The following TCF4 variants were observed in gnomAD, a reference collection of about 807,000 sequenced individuals.
TCF4 encodes transcription factor 4.
Under a neutral mutation model 82.1 loss-of-function variants are expected in TCF4, and 3 were observed. The observed-to-expected ratio is 0.04, with a 90% confidence interval of 0.02 to 0.09. The LOEUF (loss-of-function observed/expected upper bound fraction) is 0.09. Among genes scored for constraint, TCF4 ranks in the 10% least tolerant of loss-of-function variants. The pLI, the probability that TCF4 is intolerant of heterozygous loss-of-function variation, is 1.00. For synonymous variants in TCF4, 276 were observed against 309.6 expected (o/e 0.89, Z 1.14); for missense variants, 518 against 852.7 (o/e 0.61, Z 4.89).
chr18:55,595,417 TGAG>T (rs770943861), intron 2 of TCF4, among the ~76,000 whole-genome samples: 8 of 152,154 alleles, frequency 5.3e-5, no homozygotes, highest in Non-Finnish European at 1.2e-4. Context: ...CCTTTAAAGG[TGAG>T]GAGCAGGTCT....
chr18:55,433,882 GC>G (rs1212678032), intron 5 of TCF4, among the ~76,000 whole-genome samples: 1 of 151,880 alleles, frequency 6.6e-6, no homozygotes, highest in Non-Finnish European at 1.5e-5. Context: ...TCATCCATGC[GC>G]ACGACACTGA....
chr18:55,615,348 T>A (rs780091608), intron 2 of TCF4, among the ~76,000 whole-genome samples: 39 of 152,170 alleles, frequency 2.6e-4, no homozygotes, highest in Non-Finnish European at 4.0e-4. Flanking sequence ...TAATTGTTCT[T>A]AGTATATAGA....
chr18:55,625,510 T>G (rs1283848279), intron 2 of TCF4, among the ~76,000 whole-genome samples: 1 of 152,220 alleles, frequency 6.6e-6, no homozygotes, highest in Non-Finnish European at 1.5e-5. Context: ...GTGCTGGGAT[T>G]GCAAGCGTGA....
intron 3 of TCF4, among the ~76,000 whole-genome samples, chr18:55,562,340 ATATAGC>A (rs765575589): frequency 1.4e-4 from 21 of 152,242 alleles, no homozygotes; most frequent in Non-Finnish European, 2.4e-4. Flanking sequence ...ATAGATACCT[ATATAGC>A]TAAGAGGTAA....
At chr18:55,293,486 C>A (rs1411678353) in intron 8 of TCF4, among the ~76,000 whole-genome samples, 1 of 151,858 alleles carries the variant, frequency 6.6e-6, no homozygotes, top group African/African-American at 2.4e-5. Flanking sequence ...CTTAAGAGAG[C>A]CAAATGGCTA....
intron 3 of TCF4, among the ~76,000 whole-genome samples, chr18:55,533,698 A>G (rs1167892135): frequency 6.6e-6 from 1 of 152,202 alleles, no homozygotes; most frequent in Non-Finnish European, 1.5e-5. Context: ...CCAATACACA[A>G]AAACAGTACA....
rs554245490 is a variant in TCF4, at chr18:55,428,985, T to A, written c.305-25467A>T. Among the ~76,000 whole-genome samples the A allele has an allele frequency of 2.6e-5, 4 of 151,786 alleles. No individual in the cohort carries two copies. The East Asian group carries it at 7.7e-4, about 29-fold the overall frequency. ...CAAAAAAGAGAAAAGTTACAGAAAA[T>A]AAATATAAGTGGGAAAAAAACTAAT... On this transcript the variant is annotated intron_variant, in intron 5 of 19. Coordinates refer to ENST00000354452, the MANE Select transcript of TCF4 (RefSeq NM_001083962.2).
rs1158691369 is a variant in TCF4 at position 55,460,918 on chromosome 18, CA to C, written c.304+100del. Reference sequence around the variant, plus strand: ...ATTACAAGTGAACTGACTAAATATCCAAGTTTCTAAAAGCAGAACCTCTGTC... The same window carrying C: ...ATTACAAGTGAACTGACTAAATATCCAGTTTCTAAAAGCAGAACCTCTGTC... On this transcript the variant is annotated intron_variant, in intron 5 of 19. Transcript: ENST00000354452. 53 of 1,017,850 alleles carry C rather than the reference CA, an allele frequency of 5.2e-5. 1 individual carries two copies. In the East Asian group the frequency reaches 1.4e-3, roughly 26 times the overall value. 63.1% of individuals were successfully genotyped at this position (1,017,850 alleles called of 1,614,324 possible). A position where few individuals can be genotyped will look rare whatever the true frequency, so the allele number is the denominator to read the frequency against.
intron 5 of TCF4, among the ~76,000 whole-genome samples, chr18:55,419,237 CA>C (rs2094637235): frequency 6.6e-6 from 1 of 152,038 alleles, no homozygotes; most frequent in East Asian, 1.9e-4. Flanking sequence ...ACATTAAACT[CA>C]AGAAAAAGAT....
chr18:55,405,046 A>C (rs575553091), intron 5 of TCF4, among the ~76,000 whole-genome samples: 2 of 152,382 alleles, frequency 1.3e-5, no homozygotes, highest in East Asian at 3.9e-4. Context: ...ATCTAACAGA[A>C]TAACTTCCAT....
At chr18:55,258,165 C>T (rs1011266571) in intron 13 of TCF4, among the ~76,000 whole-genome samples, 2 of 152,122 alleles carry the variant, frequency 1.3e-5, no homozygotes, top group African/African-American at 4.8e-5. Context: ...ATCCACTCTT[C>T]CTGTCTTTTC....
chr18:55,474,795 G>A lies in TCF4; in HGVS notation c.146-10658C>T, dbSNP rs188217660. ...GTTTGTTTTGTTTGTTTGTTTTTGA[G>A]ACAGGGTCTCGTTCTGTCACACAGG... On this transcript the variant is annotated intron_variant, in intron 3 of 19. Coordinates refer to ENST00000354452, the MANE Select transcript of TCF4 (RefSeq NM_001083962.2). Among the ~76,000 whole-genome samples, 3 of 151,858 alleles carry A rather than the reference G, an allele frequency of 2.0e-5. No homozygotes were observed. The East Asian group carries it at 5.8e-4, about 29-fold the overall frequency.
intron 11 of TCF4, among the ~76,000 whole-genome samples, chr18:55,261,785 T>C (rs926193523): frequency 3.3e-5 from 5 of 152,216 alleles, no homozygotes; most frequent in African/African-American, 1.2e-4. Context: ...TTCCCCTTGC[T>C]GTTGATGAGC....
In TCF4 at chr18:55,350,347, A is replaced by G. The variant is rs1292703732; in HGVS notation, c.549+12T>C. On this transcript the variant is annotated intron_variant, in intron 8 of 19. Coordinates refer to ENST00000354452, the MANE Select transcript of TCF4 (RefSeq NM_001083962.2). ...ATAAGCAATATACAAAGCAGAAACA[A>G]GCAGTACTTACTGAAGATGGCAAAC... 1.2e-6 allele frequency: 2 copies of G among 1,613,090 alleles called. No homozygotes were observed. The highest frequency in any genetic ancestry group is 1.7e-6 in the Non-Finnish European group (2 of 1,179,178).
Position 55,254,968 on chromosome 18 carries a change from G to A in TCF4, c.1147-268C>T, listed in dbSNP as rs190898335. Among the ~76,000 whole-genome samples the A allele has an allele frequency of 1.6e-3, 241 of 152,204 alleles. 1 individual carries two copies. The highest frequency in any genetic ancestry group is 5.3e-3 in the African/African-American group (222 of 41,538). ...ATTATAACATACATGTGCTATATAC[G>A]GTACTGCCTTTTGAAAGGCAATTTA... On this transcript the variant is annotated intron_variant, in intron 14 of 19. Coordinates refer to ENST00000354452, the MANE Select transcript of TCF4 (RefSeq NM_001083962.2).
At chr18:55,442,516 A>C (rs1219574241) in intron 5 of TCF4, among the ~76,000 whole-genome samples, 3 of 152,232 alleles carry the variant, frequency 2.0e-5, no homozygotes, top group African/African-American at 7.2e-5. Context: ...CAGCCCCATC[A>C]GTTTCTAAGG....
At chr18:55,466,636 C>T (rs1362269809) in intron 3 of TCF4, among the ~76,000 whole-genome samples, 1 of 152,148 alleles carries the variant, frequency 6.6e-6, no homozygotes, top group Non-Finnish European at 1.5e-5. Context: ...AGTAAGAACT[C>T]TTATTAAATA....
At chr18:55,284,932 A>G (rs756182655) in intron 8 of TCF4, among the ~76,000 whole-genome samples, 5 of 152,208 alleles carry the variant, frequency 3.3e-5, no homozygotes, top group Non-Finnish European at 5.9e-5. Flanking sequence ...TGCTTCTCTC[A>G]GCATCTACTG....
intron 5 of TCF4, among the ~76,000 whole-genome samples, chr18:55,434,763 C>CATGTGTGTGTGT (rs745460290): frequency 7.6e-6 from 1 of 131,722 alleles, no homozygotes; most frequent in African/African-American, 2.8e-5. Context: ...CTCAAGTATT[C>CATGTGTGTGTGT]GTGTGTGTGT....
Sources: allele counts gnomAD v4.1 joint callset (sites outside exome capture counted in the v4.1 genomes callset), GRCh38; gene constraint gnomAD v4.1.1; transcripts MANE v1.5; gene names NCBI Gene and HGNC (gene_info 2026-07-23, HGNC 2026-07-21).